Variants in BIRC6 observed in about 807,000 individuals in gnomAD.
BIRC6 encodes dual E2 ubiquitin-conjugating enzyme/E3 ubiquitin-protein ligase BIRC6.
A neutral mutation model predicts 503.3 loss-of-function variants in BIRC6; 98 were observed. The observed-to-expected ratio is 0.19, with a 90% CI of 0.17 to 0.23. The LOEUF (loss-of-function observed/expected upper bound fraction) is 0.23. Among genes scored for constraint, BIRC6 ranks in the 10% least tolerant of loss-of-function variants. The pLI, the probability that BIRC6 is intolerant of heterozygous loss-of-function variation, is 1.00. For synonymous variants in BIRC6, 2,240 were observed against 2,078.7 expected (o/e 1.08, Z -2.11); for missense variants, 5,360 against 5,806.0 (o/e 0.92, Z 2.50).
At chr2:32,370,500 C>T (rs556337155) in intron 1 of BIRC6, among the ~76,000 whole-genome samples, 1 of 152,196 alleles carries the variant, frequency 6.6e-6, no homozygotes, top group African/African-American at 2.4e-5. Context: ...ATGTGTTACC[C>T]CTTTCTTTGT....
chr2:32,504,034 T>TGTG (rs2053513911), intron 49 of BIRC6, among the ~76,000 whole-genome samples: 11 of 78,246 alleles, frequency 1.4e-4, no homozygotes, highest in Non-Finnish European at 2.1e-4. Context: ...GGGGGGGTGT[T>TGTG]TGTGTGTGTG....
Position 32,442,137 on chromosome 2 carries a change from A to G in BIRC6, c.4017A>G (p.Thr1339=), listed in dbSNP as rs761507069. 19 of 1,610,214 alleles carry G rather than the reference A, an allele frequency of 1.2e-5. No homozygotes were observed. The highest frequency in any genetic ancestry group is 1.7e-5 in the Admixed American group (1 of 59,088). ...EKLLNTLCRK[T]DDGQITEHAQ... ...TTCTTAATACTCTTTGCAGAAAAACAGATGATGGCCAGATCACAGAACATG... is the reference window on the plus strand; with the variant it reads ...TTCTTAATACTCTTTGCAGAAAAACGGATGATGGCCAGATCACAGAACATG... Residue 1339 remains threonine (T), a synonymous_variant, in exon 18 of 74, where the codon ACA becomes ACG. Coordinates refer to ENST00000421745, the MANE Select transcript of BIRC6 (RefSeq NM_016252.4).
chr2:32,368,022 G>A (rs939580772), intron 1 of BIRC6, among the ~76,000 whole-genome samples: 1 of 152,160 alleles, frequency 6.6e-6, no homozygotes. Context: ...CTTTTACTTT[G>A]ATTTATGAAG....
intron 1 of BIRC6, among the ~76,000 whole-genome samples, chr2:32,362,661 C>A (rs990082668): frequency 6.6e-6 from 1 of 152,020 alleles, no homozygotes; most frequent in African/African-American, 2.4e-5. Flanking sequence ...ACCACTTGAC[C>A]ATACTGTTCA....
At chr2:32,387,892 G>C (rs1029121976) in intron 3 of BIRC6, among the ~76,000 whole-genome samples, 8 of 152,102 alleles carry the variant, frequency 5.3e-5, no homozygotes, top group Admixed American at 4.6e-4. Flanking sequence ...AGAATAGTTA[G>C]TTGAGGTTTC....
chr2:32,455,167 A>G (rs2148665020), intron 23 of BIRC6, among the ~76,000 whole-genome samples: 1 of 152,078 alleles, frequency 6.6e-6, no homozygotes, highest in East Asian at 1.9e-4. Flanking sequence ...TCATGAGGTC[A>G]AGAGATCGAG....
intron 69 of BIRC6, among the ~76,000 whole-genome samples, chr2:32,598,792 G>A (rs2061847176): frequency 6.6e-6 from 1 of 152,030 alleles, no homozygotes; most frequent in African/African-American, 2.4e-5. Flanking sequence ...GGAGGCTGAG[G>A]TAGGCAGATC....
intron 23 of BIRC6, among the ~76,000 whole-genome samples, chr2:32,454,629 ATTC>A (rs978863364): frequency 2.0e-5 from 3 of 152,194 alleles, no homozygotes; most frequent in Non-Finnish European, 4.4e-5. Flanking sequence ...TCTTAACGTG[ATTC>A]TTCTGTTGAT....
intron 10 of BIRC6, among the ~76,000 whole-genome samples, chr2:32,420,844 T>C (rs966186231): frequency 1.3e-5 from 2 of 152,110 alleles, no homozygotes; most frequent in South Asian, 2.1e-4. Flanking sequence ...GTAGACTCTT[T>C]AGGGATGTCA....
At chr2:32,568,375 C>T (rs2150886131) in intron 65 of BIRC6, among the ~76,000 whole-genome samples, 1 of 150,040 alleles carries the variant, frequency 6.7e-6, no homozygotes, top group East Asian at 2.0e-4. Flanking sequence ...TGCCTGTAAT[C>T]CCAGCTGCTC....
chr2:32,357,183 G>A lies in BIRC6; in HGVS notation c.22G>A (p.Ala8Thr), dbSNP rs868093900. Residue 8 changes from alanine to threonine, a missense_variant, in exon 1 of 74, where the codon GCA becomes ACA. Physicochemically the swap from Ala to Thr is moderately conservative, Grantham distance 58. This residue lies in a region of BIRC6 where 145 missense variants were observed against 106.9 expected (regional missense o/e 1.36). Transcript: ENST00000421745. This position sits in a 1 kb window ranked among gnomAD's most constrained non-coding sequence, Gnocchi z 4.9. MVTGGGA[A>T]PPGTVTEPLP... The stretch of plus-strand genomic sequence containing the variant: ...CCGGATGGTGACTGGTGGTGGTGCT[G>A]CACCTCCCGGGACTGTCACTGAGCC... The A allele has an allele frequency of 6.5e-7, 1 of 1,533,570 alleles. No homozygotes were observed. The highest frequency in any genetic ancestry group is 2.6e-5 in the East Asian group (1 of 38,098). 95.0% of individuals were successfully genotyped at this position (1,533,570 alleles called of 1,614,324 possible). A position where few individuals can be genotyped will look rare whatever the true frequency, so the allele number is the denominator to read the frequency against.
chr2:32,419,131 G>A (rs2042680058), intron 10 of BIRC6, among the ~76,000 whole-genome samples: 1 of 152,182 alleles, frequency 6.6e-6, no homozygotes, highest in African/African-American at 2.4e-5. Flanking sequence ...GGGATTGACT[G>A]ATGAAGGTGC....
At position 32,415,344 on chromosome 2, in the gene BIRC6, G is replaced by T. The variant is rs1292610708; in HGVS notation, c.2053G>T (p.Val685Leu). 1 of 1,614,032 alleles carries T rather than the reference G, an allele frequency of 6.2e-7. No homozygotes were observed. Among genetic ancestry groups the T allele is most frequent in the Admixed American group, 1.7e-5 (1 of 60,026 alleles). The change falls in exon 10 of 74, where the codon GTG (valine) becomes TTG (leucine). Residue 685 changes from valine to leucine, a missense_variant. Val to Leu is a conservative substitution (Grantham distance 32). Coordinates refer to ENST00000421745, the MANE Select transcript of BIRC6 (RefSeq NM_016252.4). ...GCAGTTGTTATTGCAGGATCCTCCT[G>T]TGACTTACATTCAGCAATTTGCAGA... ...QEQLLLQDPPVTYIQQFADAA... is the reference protein window; with the variant it reads ...QEQLLLQDPPLTYIQQFADAA...
At chr2:32,373,391 T>C (rs2036255323) in intron 1 of BIRC6, among the ~76,000 whole-genome samples, 1 of 152,212 alleles carries the variant, frequency 6.6e-6, no homozygotes, top group East Asian at 1.9e-4. Flanking sequence ...AAGATGGACA[T>C]ATAGACTGAA....
intron 73 of BIRC6, among the ~76,000 whole-genome samples, chr2:32,616,833 A>G (rs1357802842): frequency 2.0e-5 from 3 of 152,280 alleles, no homozygotes; most frequent in African/African-American, 7.2e-5. Context: ...GGCTGGGCAC[A>G]GTGGCTCACA....
In BIRC6 at chr2:32,357,593, T is replaced by G. The variant is rs932248120; in HGVS notation, c.325+107T>G. 9 of 1,473,022 alleles carry G rather than the reference T, an allele frequency of 6.1e-6. No homozygotes were observed. The African/African-American group carries it at 1.3e-4, about 22-fold the overall frequency. The allele number at this position is 1,473,022 out of a possible 1,614,324, so 91.2% of individuals were successfully genotyped here. A position where few individuals can be genotyped will look rare whatever the true frequency, so the allele number is the denominator to read the frequency against. ...AAGCGAGATGGCGAGAGGGCAGGGC[T>G]GGGGGTTCGGGCCCAGCCGTGAAGG... On this transcript the variant is annotated intron_variant, in intron 1 of 73. Coordinates refer to ENST00000421745, the MANE Select transcript of BIRC6 (RefSeq NM_016252.4). This position sits in a 1 kb window ranked among gnomAD's most constrained non-coding sequence, Gnocchi z 4.9.
At chr2:32,569,109 C>T (rs1393825427) in intron 65 of BIRC6, among the ~76,000 whole-genome samples, 4 of 151,610 alleles carry the variant, frequency 2.6e-5, no homozygotes, top group Non-Finnish European at 5.9e-5. Flanking sequence ...TGTGTCTCAG[C>T]CTCCCGAGTA....
At chr2:32,507,105 T>C (rs1214916489) in intron 50 of BIRC6, among the ~76,000 whole-genome samples, 1 of 152,140 alleles carries the variant, frequency 6.6e-6, no homozygotes, top group Admixed American at 6.5e-5. Flanking sequence ...GAATTGATTT[T>C]TTAAAAAAAA....
intron 51 of BIRC6, 80 bp from the exon 52 acceptor site, chr2:32,509,658 T>C (rs1368654982): frequency 1.3e-6 from 2 of 1,503,196 alleles, no homozygotes; most frequent in Non-Finnish European, 1.8e-6. Context: ...CACAACATGC[T>C]GATCTTTAAA....
Sources: gnomAD v4.1 joint callset for allele counts (sites outside exome capture counted in the v4.1 genomes callset) on GRCh38, gnomAD v4.1.1 for gene constraint, gnomAD v4.1.1 regional missense constraint, Gnocchi (gnomAD v3.1) non-coding constraint, MANE v1.5 for transcripts, NCBI Gene and HGNC (gene_info 2026-07-23, HGNC 2026-07-21) for gene names.